GPATCH2: variants seen among roughly 807,000 people sequenced by gnomAD.
GPATCH2 encodes G-patch domain containing 2, also known as G patch domain-containing protein 2.
Under a neutral mutation model 58.0 loss-of-function variants are expected in GPATCH2, and 51 were observed. The ratio of observed to expected loss-of-function variants is 0.88; its 90% CI spans 0.70 to 1.11. The LOEUF is 1.11. Ranked by LOEUF, GPATCH2 falls within the 50% of genes most tolerant of loss-of-function variation. GPATCH2 has a pLI of 0.00. For synonymous variants in GPATCH2, 222 were observed against 218.5 expected, an observed-to-expected ratio of 1.02 and a Z score of -0.14; for missense variants, 625 against 652.2, an observed-to-expected ratio of 0.96 and a Z score of 0.45.
chr1:217,528,632 C>T (rs1042294730), intron 5 of GPATCH2, among the ~76,000 whole-genome samples: 13 of 152,160 alleles, frequency 8.5e-5, no homozygotes, highest in African/African-American at 2.9e-4. Flanking sequence ...GATGTCTGTT[C>T]CCTGAGGTAC....
chr1:217,478,043 G>A (rs531941222), intron 8 of GPATCH2, among the ~76,000 whole-genome samples: 4 of 152,252 alleles, frequency 2.6e-5, no homozygotes, highest in Non-Finnish European at 4.4e-5. Flanking sequence ...GATCTTGTCC[G>A]AGACTATCAA....
intron 8 of GPATCH2, among the ~76,000 whole-genome samples, chr1:217,468,764 C>G (rs944673838): frequency 6.6e-6 from 1 of 150,862 alleles, no homozygotes; most frequent in African/African-American, 2.4e-5. Context: ...TTTTAAGAAG[C>G]TGTTACCTTT....
At chr1:217,553,153 A>T (rs1665444134) in intron 5 of GPATCH2, among the ~76,000 whole-genome samples, 1 of 152,040 alleles carries the variant, frequency 6.6e-6, no homozygotes, top group Non-Finnish European at 1.5e-5. Flanking sequence ...AAATCAACAG[A>T]AAAAAAGTAA....
At chr1:217,597,543 T>C (rs567381926) in intron 5 of GPATCH2, among the ~76,000 whole-genome samples, 14 of 152,214 alleles carry the variant, frequency 9.2e-5, no homozygotes, top group Non-Finnish European at 1.6e-4. Context: ...GGATAGTCTA[T>C]TTTTTAAAAA....
intron 5 of GPATCH2, among the ~76,000 whole-genome samples, chr1:217,563,663 T>C (rs1160735457): frequency 6.6e-6 from 1 of 152,180 alleles, no homozygotes; most frequent in Non-Finnish European, 1.5e-5. Context: ...ATAACTATAA[T>C]GCTCTACAAA....
At chr1:217,556,663 C>T (rs1238021843) in intron 5 of GPATCH2, among the ~76,000 whole-genome samples, 1 of 152,172 alleles carries the variant, frequency 6.6e-6, no homozygotes, top group Admixed American at 6.5e-5. Context: ...AAGATTGCTA[C>T]TATGGATATT....
chr1:217,484,446 C>G (rs183739756), intron 8 of GPATCH2, among the ~76,000 whole-genome samples: 1 of 151,768 alleles, frequency 6.6e-6, no homozygotes, highest in Non-Finnish European at 1.5e-5. Context: ...TAGATCTACA[C>G]CACTGGTTCT....
At chr1:217,623,491 A>G (rs1456571392) in intron 1 of GPATCH2, among the ~76,000 whole-genome samples, 1 of 151,886 alleles carries the variant, frequency 6.6e-6, no homozygotes, top group Non-Finnish European at 1.5e-5. Context: ...ATTTCTTAGT[A>G]ATAGAAATTT....
intron 6 of GPATCH2, among the ~76,000 whole-genome samples, chr1:217,508,643 C>T (rs1662684057): frequency 6.6e-6 from 1 of 152,058 alleles, no homozygotes; most frequent in Non-Finnish European, 1.5e-5. Flanking sequence ...TTTATGCTTA[C>T]ATGTATTTTT....
intron 5 of GPATCH2, among the ~76,000 whole-genome samples, chr1:217,540,648 C>T (rs1416784148): frequency 6.6e-6 from 1 of 152,136 alleles, no homozygotes; most frequent in African/African-American, 2.4e-5. Flanking sequence ...TTCTGAACCA[C>T]TTTAGTGGTA....
intron 9 of GPATCH2, among the ~76,000 whole-genome samples, chr1:217,438,585 A>G (rs1037128178): frequency 6.6e-6 from 1 of 152,216 alleles, no homozygotes; most frequent in South Asian, 2.1e-4. Context: ...AAGTATCAAT[A>G]GCTAAATTGA....
chr1:217,609,426 C>A (rs2102812448), intron 5 of GPATCH2: 1 of 984,510 alleles, frequency 1.0e-6, no homozygotes, highest in African/African-American at 1.7e-5. Flanking sequence ...TCAGACAAAG[C>A]AGATAATTTA....
intron 5 of GPATCH2, among the ~76,000 whole-genome samples, chr1:217,537,094 C>G (rs926336955): frequency 2.0e-5 from 3 of 152,126 alleles, no homozygotes; most frequent in Non-Finnish European, 4.4e-5. Context: ...CTCTAAAATC[C>G]TTTGCATCAA....
At chr1:217,617,863 A>G (rs1334828863) in intron 2 of GPATCH2, among the ~76,000 whole-genome samples, 1 of 152,182 alleles carries the variant, frequency 6.6e-6, no homozygotes, top group Non-Finnish European at 1.5e-5. Flanking sequence ...GTAGATACTC[A>G]AATACTTTTT....
At chr1:217,449,622 T>C (rs1311604672) in intron 8 of GPATCH2, among the ~76,000 whole-genome samples, 1 of 152,226 alleles carries the variant, frequency 6.6e-6, no homozygotes, top group Non-Finnish European at 1.5e-5. Flanking sequence ...TCAAGCACTG[T>C]TGCTTCTGAC....
chr1:217,619,256 G>C (rs1669062121), intron 2 of GPATCH2, among the ~76,000 whole-genome samples: 1 of 152,048 alleles, frequency 6.6e-6, no homozygotes, highest in Non-Finnish European at 1.5e-5. Flanking sequence ...TTTTTCTAAT[G>C]ACAAAACCAG....
intron 5 of GPATCH2, among the ~76,000 whole-genome samples, chr1:217,553,059 T>C (rs1297547137): frequency 6.6e-6 from 1 of 152,136 alleles, no homozygotes; most frequent in East Asian, 1.9e-4. Context: ...TCATTATTAT[T>C]AACAAGTTCA....
rs369021888 is a variant in GPATCH2 at position 217,577,234 on chromosome 1, T to A, written c.1098+33087A>T. 3.2e-4 allele frequency among the ~76,000 whole-genome samples: 49 copies of A among 152,326 alleles called. No homozygotes were observed. In the South Asian group the frequency reaches 9.9e-3, roughly 31 times the overall value. ...GGGAGAAAATTCCCCAATCAAATTT[T>A]GAAAATGTTATCTTTTCTTAAAAAG... On this transcript the variant is annotated intron_variant, in intron 5 of 9. Transcript: ENST00000366935.
chr1:217,629,759 A>G (rs1170236746), intron 1 of GPATCH2, among the ~76,000 whole-genome samples: 1 of 152,186 alleles, frequency 6.6e-6, no homozygotes, highest in Non-Finnish European at 1.5e-5. Flanking sequence ...TGGTTCATTT[A>G]AAAAATGCTC....
Sources: gnomAD v4.1 joint callset for allele counts (sites outside exome capture counted in the v4.1 genomes callset) on GRCh38, gnomAD v4.1.1 for gene constraint, MANE v1.5 for transcripts, NCBI Gene and HGNC (gene_info 2026-07-23, HGNC 2026-07-21) for gene names.